ATG10: variants seen among roughly 807,000 people sequenced by gnomAD.
ATG10 encodes ubiquitin-like-conjugating enzyme ATG10.
ATG10 carries 30 observed loss-of-function variants against 32.1 expected under a neutral mutation model. The ratio of observed to expected loss-of-function variants is 0.94; its 90% CI spans 0.70 to 1.27. The LOEUF is 1.27. Among genes scored for constraint, ATG10 ranks in the 50% most tolerant of loss-of-function variants. ATG10 has a pLI of 0.00. For missense variants in ATG10, 233 were observed against 262.3 expected (o/e 0.89, Z 0.77); for synonymous variants, 87 against 91.5 (o/e 0.95, Z 0.28).
At chr5:81,986,802 G>A (rs996200059) in intron 1 of ATG10, among the ~76,000 whole-genome samples, 3 of 152,178 alleles carry the variant, frequency 2.0e-5, no homozygotes, top group African/African-American at 7.2e-5. Flanking sequence ...TCAGCACTCT[G>A]GGAAGCTGAG....
At chr5:82,109,715 CCTTT>C (rs1392192354) in intron 3 of ATG10, among the ~76,000 whole-genome samples, 1 of 151,508 alleles carries the variant, frequency 6.6e-6, no homozygotes, top group African/African-American at 2.4e-5. Context: ...AATTTTCTTC[CCTTT>C]CTAATTCTTC....
intron 3 of ATG10, among the ~76,000 whole-genome samples, chr5:82,136,040 C>T (rs548997292): frequency 1.3e-5 from 2 of 152,108 alleles, no homozygotes; most frequent in South Asian, 2.1e-4. Flanking sequence ...AAAATTGCAA[C>T]CCCTGATTTT....
At chr5:81,980,551 A>G (rs918680327) in intron 1 of ATG10, among the ~76,000 whole-genome samples, 15 of 152,160 alleles carry the variant, frequency 9.9e-5, no homozygotes, top group African/African-American at 3.1e-4. Context: ...ATCATTTTCT[A>G]TACTTAGGAG....
chr5:82,178,063 A>T (rs937867982), intron 4 of ATG10, among the ~76,000 whole-genome samples: 1 of 152,162 alleles, frequency 6.6e-6, no homozygotes, highest in African/African-American at 2.4e-5. Flanking sequence ...TAGATACTCC[A>T]TGAGAATGTG....
At chr5:82,082,571 T>C (rs960624647) in intron 3 of ATG10, among the ~76,000 whole-genome samples, 3 of 152,186 alleles carry the variant, frequency 2.0e-5, no homozygotes, top group Non-Finnish European at 4.4e-5. Flanking sequence ...TTGTGGCTGA[T>C]GGACTTTGAG....
chr5:82,206,464 G>A (rs1198427862), intron 5 of ATG10, among the ~76,000 whole-genome samples: 1 of 151,854 alleles, frequency 6.6e-6, no homozygotes, highest in Non-Finnish European at 1.5e-5. Context: ...TGACTAACAC[G>A]GTGAAACCCC....
At chr5:82,114,201 A>G (rs1456779640) in intron 3 of ATG10, among the ~76,000 whole-genome samples, 4 of 152,024 alleles carry the variant, frequency 2.6e-5, no homozygotes, top group African/African-American at 7.2e-5. Context: ...ACTTACTTAC[A>G]AATATCTTAT....
chr5:82,093,427 G>GT (rs2149794990), intron 3 of ATG10, among the ~76,000 whole-genome samples: 1 of 152,170 alleles, frequency 6.6e-6, no homozygotes, highest in East Asian at 1.9e-4. Flanking sequence ...ATGTCTAGAA[G>GT]TTTCATTTGG....
chr5:82,245,553 A>G (rs1746993223), intron 5 of ATG10, among the ~76,000 whole-genome samples: 1 of 152,216 alleles, frequency 6.6e-6, no homozygotes, highest in Non-Finnish European at 1.5e-5. Flanking sequence ...GATTAACCAC[A>G]TTTTTCACTT....
intron 1 of ATG10, among the ~76,000 whole-genome samples, chr5:81,984,029 G>A (rs1761174057): frequency 6.6e-6 from 1 of 152,260 alleles, no homozygotes; most frequent in Non-Finnish European, 1.5e-5. Context: ...CGGGGTGGCA[G>A]CCAGGCAGAG....
At chr5:81,997,150 C>T (rs1356402159) in intron 2 of ATG10, among the ~76,000 whole-genome samples, 1 of 152,162 alleles carries the variant, frequency 6.6e-6, no homozygotes, top group Non-Finnish European at 1.5e-5. Flanking sequence ...CAAGTATGCA[C>T]CCTGCCACAC....
chr5:82,010,538 C>T (rs1280086129), intron 2 of ATG10, among the ~76,000 whole-genome samples: 3 of 152,066 alleles, frequency 2.0e-5, no homozygotes, highest in East Asian at 3.8e-4. Flanking sequence ...TTCTTTAAGT[C>T]GATCCATGAT....
intron 5 of ATG10, among the ~76,000 whole-genome samples, chr5:82,245,366 G>A (rs1746983145): frequency 6.6e-6 from 1 of 152,112 alleles, no homozygotes; most frequent in South Asian, 2.1e-4. Flanking sequence ...CACATTGATT[G>A]TCTGCACCGT....
At chr5:82,147,191 TG>T in intron 3 of ATG10, 1 of 216,960 alleles carries the variant, frequency 4.6e-6, no homozygotes, top group Non-Finnish European at 9.5e-6. Context: ...TTTTTTAAGG[TG>T]AAGTCTTGCT....
intron 5 of ATG10, among the ~76,000 whole-genome samples, chr5:82,248,355 C>T (rs1747115240): frequency 6.6e-6 from 1 of 152,192 alleles, no homozygotes; most frequent in Non-Finnish European, 1.5e-5. Context: ...TTTTAGCTAT[C>T]TGTTGGAAAT....
intron 2 of ATG10, among the ~76,000 whole-genome samples, chr5:82,004,776 C>A (rs563355937): frequency 1.3e-5 from 2 of 152,322 alleles, no homozygotes; most frequent in Admixed American, 6.5e-5. Flanking sequence ...ACAGTGTCAA[C>A]TTGCTATGAA....
Position 82,219,821 on chromosome 5 carries a change from A to G in ATG10, c.454-32741A>G, listed in dbSNP as rs562022494. On this transcript the variant is annotated intron_variant, in intron 5 of 7. Transcript: ENST00000282185. ...TATTAGAATCTGAGAAGGGAGTAGA[A>G]GTGATTTATTTTTTCCTCTTTCTCT... Among the ~76,000 whole-genome samples, 174 of 152,338 alleles carry G rather than the reference A, an allele frequency of 1.1e-3. 2 individuals are homozygous for G. The highest frequency in any genetic ancestry group is 2.3e-3 in the Admixed American group (35 of 15,302).
chr5:82,127,122 G>A (rs1003971629), intron 3 of ATG10, among the ~76,000 whole-genome samples: 1 of 152,112 alleles, frequency 6.6e-6, no homozygotes, highest in Non-Finnish European at 1.5e-5. Flanking sequence ...GGGATTGGTG[G>A]TGATCTCCTC....
At position 82,021,790 on chromosome 5, in the gene ATG10, C is replaced by A. The variant is rs188796848; in HGVS notation, c.108+34112C>A. Among the ~76,000 whole-genome samples the A allele has an allele frequency of 7.9e-4, 119 of 151,008 alleles. 1 individual carries two copies. In the East Asian group the frequency reaches 0.022, roughly 28 times the overall value. On this transcript the variant is annotated intron_variant, in intron 2 of 7. Transcript: ENST00000282185. ...CTGTAATCCCAGCACTTTGGGAGGC[C>A]GAGGCGGGCGGATCACAAGGTCAAG...
Sources: gnomAD v4.1 joint callset for allele counts (sites outside exome capture counted in the v4.1 genomes callset) on GRCh38, gnomAD v4.1.1 for gene constraint, MANE v1.5 for transcripts, NCBI Gene and HGNC (gene_info 2026-07-23, HGNC 2026-07-21) for gene names.